PTPRE: variants seen among roughly 807,000 people sequenced by gnomAD.
PTPRE encodes the protein protein tyrosine phosphatase receptor type E, also known as receptor-type tyrosine-protein phosphatase epsilon.
In PTPRE, 51 loss-of-function variants were observed where a neutral mutation model predicts 102.0. The observed-to-expected ratio is 0.50, with a 90% CI of 0.40 to 0.63. The LOEUF is 0.63. Among genes scored for constraint, PTPRE ranks in the 30% least tolerant of loss-of-function variants. The pLI is 0.00. For synonymous variants in PTPRE, 345 were observed against 348.2 expected (o/e 0.99, Z 0.10); for missense variants, 752 against 915.1 (o/e 0.82, Z 2.30).
chr10:128,064,144 C>A (rs542090453), intron 10 of PTPRE, among the ~76,000 whole-genome samples: 2 of 152,150 alleles, frequency 1.3e-5, no homozygotes, highest in Non-Finnish European at 2.9e-5. Flanking sequence ...GAGTACCAGG[C>A]CTTGGGGAGC....
At chr10:128,077,934 CACG>C in intron 19 of PTPRE, 151 bp downstream of exon 19, 1 of 787,250 alleles carries the variant, frequency 1.3e-6, no homozygotes, top group Middle Eastern at 3.1e-4. Flanking sequence ...CACATGCACA[CACG>C]ACTTCACTTA....
At chr10:128,025,219 G>A (rs1053436209) in intron 2 of PTPRE, among the ~76,000 whole-genome samples, 1 of 147,600 alleles carries the variant, frequency 6.8e-6, no homozygotes, top group Non-Finnish European at 1.5e-5. Flanking sequence ...ATGAAGCATT[G>A]TTAACTCTTA....
chr10:127,963,671 AGTGT>A (rs149147211), intron 1 of PTPRE, among the ~76,000 whole-genome samples: 1 of 150,522 alleles, frequency 6.6e-6, no homozygotes, highest in Non-Finnish European at 1.5e-5. Context: ...CCTGGGGTGG[AGTGT>A]GTGTGTGTGT....
intron 12 of PTPRE, chr10:128,068,737 C>G (rs1358794896): frequency 6.5e-6 from 1 of 152,870 alleles, no homozygotes; most frequent in Non-Finnish European, 1.5e-5. Context: ...TCCTGGAGAC[C>G]AGGGTCCGAG....
chr10:127,910,783 A>G (rs1845816067), intron 1 of PTPRE, among the ~76,000 whole-genome samples: 1 of 152,208 alleles, frequency 6.6e-6, no homozygotes, highest in South Asian at 2.1e-4. Flanking sequence ...TTGCACATGT[A>G]AGAATCAGTG....
intron 2 of PTPRE, among the ~76,000 whole-genome samples, chr10:127,991,453 G>T (rs1444092435): frequency 6.6e-6 from 1 of 152,158 alleles, no homozygotes; most frequent in Non-Finnish European, 1.5e-5. Context: ...AGACAAGGAG[G>T]CATGTTAATA....
chr10:127,968,821 G>C (rs1050938761), intron 1 of PTPRE, among the ~76,000 whole-genome samples: 3 of 152,212 alleles, frequency 2.0e-5, no homozygotes, highest in African/African-American at 7.2e-5. Flanking sequence ...ATAAATGCCA[G>C]CTCCCTTTCC....
At chr10:128,069,534 C>T (rs1482947351) in intron 12 of PTPRE, 158 bp from the exon 13 acceptor site, 4 of 944,290 alleles carry the variant, frequency 4.2e-6, no homozygotes, top group Non-Finnish European at 6.3e-6. Context: ...ACTGAGACCA[C>T]AGCTCCCTCT....
rs78752313 is a variant in PTPRE at position 128,056,150 on chromosome 10, A to T, written c.448A>T (p.Thr150Ser). The T allele has an allele frequency of 3.3e-3, 5,346 of 1,612,792 alleles. 280 individuals are homozygous for T. The East Asian group carries it at 0.1, about 30-fold the overall frequency. Residue 150 changes from threonine (T) to serine (S), a missense_variant, in exon 7 of 21, where the codon ACT (threonine) becomes TCT (serine). Thr to Ser is a moderately conservative substitution (Grantham distance 58). This residue lies in a region of PTPRE where 636 missense variants were observed against 824.4 expected (regional missense o/e 0.77). Coordinates refer to ENST00000254667, the MANE Select transcript of PTPRE (RefSeq NM_006504.6). ...ATTGCCATCTGGACACATACAAGGA[A>T]CTTTTGAACTGGCAAATAAAGAAGA... Reference protein sequence around the residue: ...NSLPSGHIQGTFELANKEENR... With the variant: ...NSLPSGHIQGSFELANKEENR...
intron 2 of PTPRE, among the ~76,000 whole-genome samples, chr10:128,022,528 C>A (rs1024095181): frequency 2.6e-5 from 4 of 152,228 alleles, no homozygotes; most frequent in African/African-American, 9.6e-5. Context: ...GGGAGGCACA[C>A]ACCTCCCTGT....
intron 1 of PTPRE, among the ~76,000 whole-genome samples, chr10:127,940,619 C>T (rs1422257030): frequency 6.6e-6 from 1 of 152,222 alleles, no homozygotes; most frequent in Non-Finnish European, 1.5e-5. Flanking sequence ...ACTGAACACA[C>T]AGCTGAGTCC....
At chr10:127,975,444 C>G (rs1265716421) in intron 1 of PTPRE, among the ~76,000 whole-genome samples, 4 of 152,190 alleles carry the variant, frequency 2.6e-5, no homozygotes, top group Non-Finnish European at 5.9e-5. Flanking sequence ...CAGAGCTCAT[C>G]CATTCTGCCT....
intron 1 of PTPRE, among the ~76,000 whole-genome samples, chr10:127,939,793 T>G (rs1439554285): frequency 6.7e-6 from 1 of 149,158 alleles, no homozygotes; most frequent in Non-Finnish European, 1.5e-5. Context: ...CAGGCAGATG[T>G]GGGCAGGTGG....
At chr10:127,912,606 G>A (rs1845938769) in intron 1 of PTPRE, among the ~76,000 whole-genome samples, 1 of 152,352 alleles carries the variant, frequency 6.6e-6, no homozygotes, top group Admixed American at 6.5e-5. Flanking sequence ...TTTGTTGGGT[G>A]GAGAGTAAAG....
chr10:128,031,030 AG>A (rs1219056229), intron 2 of PTPRE, among the ~76,000 whole-genome samples: 5 of 152,108 alleles, frequency 3.3e-5, no homozygotes, highest in African/African-American at 1.2e-4. Flanking sequence ...AGGTGGGAGG[AG>A]GGGCCAAGGG....
chr10:128,058,877 T>C (rs1381221454), intron 7 of PTPRE, among the ~76,000 whole-genome samples: 1 of 152,182 alleles, frequency 6.6e-6, no homozygotes, highest in Non-Finnish European at 1.5e-5. Flanking sequence ...AGATGGTCCT[T>C]GGCTCTGGGC....
Position 128,083,515 on chromosome 10 carries a change from A to T in PTPRE, c.*609A>T. ...AGCTGGTGACTATAAATAATATTTT[A>T]AAATGCTGTGTCTACACCATCAAGA... is the stretch of plus-strand genomic sequence containing the variant. On this transcript the variant is annotated 3_prime_UTR_variant, in exon 21 of 21. Coordinates refer to ENST00000254667, the MANE Select transcript of PTPRE (RefSeq NM_006504.6). 6.6e-6 allele frequency: 1 copy of T among 152,434 alleles called. No individual in the cohort carries two copies. The highest frequency in any genetic ancestry group is 1.5e-5 in the Non-Finnish European group (1 of 68,122). 9.4% of individuals were successfully genotyped at this position (152,434 alleles called of 1,614,324 possible).
At position 127,963,698 on chromosome 10, in the gene PTPRE, G is replaced by A. The variant is rs148003413; in HGVS notation, c.-30-18576G>A. Among the ~76,000 whole-genome samples, 728 of 152,140 alleles carry A rather than the reference G, an allele frequency of 4.8e-3. 9 individuals are homozygous for A. Among genetic ancestry groups the A allele is most frequent in the African/African-American group, 0.017 (693 of 41,508 alleles). On this transcript the variant is annotated intron_variant, in intron 1 of 20. Transcript: ENST00000254667. ...TGTGTGTGTGTGTGTGCATGCATGC[G>A]TGCGTGCACACACACGTGCACACAC...
chr10:127,924,468 A>G (rs373928209), intron 1 of PTPRE, among the ~76,000 whole-genome samples: 12 of 152,260 alleles, frequency 7.9e-5, no homozygotes, highest in African/African-American at 2.4e-4. Flanking sequence ...TCAAGATCCT[A>G]CGCCTACACC....
Sources: allele counts gnomAD v4.1 joint callset (sites outside exome capture counted in the v4.1 genomes callset), GRCh38; gene constraint gnomAD v4.1.1; regional missense constraint gnomAD v4.1.1; transcripts MANE v1.5; gene names NCBI Gene and HGNC (gene_info 2026-07-23, HGNC 2026-07-21).